JAM3: variants seen among roughly 807,000 people sequenced by gnomAD.
The protein encoded by JAM3 is junctional adhesion molecule 3.
A neutral mutation model predicts 39.4 loss-of-function variants in JAM3; 31 were observed. The observed-to-expected ratio is 0.79, with a 90% CI of 0.59 to 1.06. JAM3 has a LOEUF of 1.06. JAM3 is among the 50% of genes least tolerant of loss of function. JAM3 has a pLI of 0.00. For missense variants in JAM3, 455 were observed against 391.4 expected, an observed-to-expected ratio of 1.16 and a Z score of -1.37; for synonymous variants, 182 against 148.7, an observed-to-expected ratio of 1.22 and a Z score of -1.63.
chr11:134,094,379 C>A (rs1400802393), intron 1 of JAM3, among the ~76,000 whole-genome samples: 5 of 141,208 alleles, frequency 3.5e-5, no homozygotes, highest in South Asian at 2.2e-4. Context: ...GGAAGCTTCT[C>A]CTGAACCCTC....
At chr11:134,112,366 G>A (rs1239998282) in intron 1 of JAM3, among the ~76,000 whole-genome samples, 1 of 152,152 alleles carries the variant, frequency 6.6e-6, no homozygotes, top group Non-Finnish European at 1.5e-5. Context: ...GGGATTACAG[G>A]CGTGAGACAC....
intron 3 of JAM3, among the ~76,000 whole-genome samples, chr11:134,143,347 T>C (rs1943009222): frequency 6.6e-6 from 1 of 152,224 alleles, no homozygotes; most frequent in Non-Finnish European, 1.5e-5. Context: ...GTTGAGGGTC[T>C]TATTTGTGTA....
At chr11:134,129,396 G>C (rs549964861) in intron 1 of JAM3, among the ~76,000 whole-genome samples, 1 of 152,104 alleles carries the variant, frequency 6.6e-6, no homozygotes, top group Admixed American at 6.5e-5. Context: ...GATTACAGGC[G>C]TGAGCTACTG....
At chr11:134,089,176 C>T (rs1001084704) in intron 1 of JAM3, among the ~76,000 whole-genome samples, 1 of 152,134 alleles carries the variant, frequency 6.6e-6, no homozygotes. Flanking sequence ...GTCTCCCATT[C>T]TTTCTTTATA....
intron 1 of JAM3, among the ~76,000 whole-genome samples, chr11:134,114,476 C>T (rs915506562): frequency 7.2e-5 from 11 of 152,126 alleles, no homozygotes; most frequent in African/African-American, 2.7e-4. Flanking sequence ...TCAGGTTTGT[C>T]AAAGATCAGA....
intron 1 of JAM3, among the ~76,000 whole-genome samples, chr11:134,111,133 CTTTTTTTTTTTT>C (rs71038561): frequency 5.8e-5 from 5 of 86,772 alleles, no homozygotes; most frequent in Non-Finnish European, 6.3e-5. Flanking sequence ...ACACATCCAT[CTTTTTTTTTTTT>C]TTTTTTTTTT....
chr11:134,116,524 T>C (rs1417333889), intron 1 of JAM3, among the ~76,000 whole-genome samples: 2 of 152,230 alleles, frequency 1.3e-5, no homozygotes, highest in South Asian at 2.1e-4. Context: ...CACTGGAAGC[T>C]CTTTCAGGTG....
chr11:134,092,188 T>G (rs1338136700), intron 1 of JAM3, among the ~76,000 whole-genome samples: 1 of 152,164 alleles, frequency 6.6e-6, no homozygotes, highest in Admixed American at 6.5e-5. Flanking sequence ...CTTGGCTCAC[T>G]TTCATTTTCC....
At chr11:134,147,658 TTG>T (rs1183549623) in intron 6 of JAM3, 2 of 151,536 alleles carry the variant, frequency 1.3e-5, no homozygotes, top group African/African-American at 2.4e-5. Context: ...AGCCAATTTT[TTG>T]TGTTTCTAGT....
rs1186671671 is a variant in JAM3 at position 134,149,503 on chromosome 11, G to A, written c.*322G>A. The A allele has an allele frequency of 6.2e-5, 31 of 503,696 alleles. No individual in the cohort carries two copies. Among genetic ancestry groups the A allele is most frequent in the South Asian group, 3.7e-4 (21 of 57,320 alleles). The allele number at this position is 503,696 out of a possible 1,614,324, so 31.2% of individuals were successfully genotyped here. A position where few individuals can be genotyped will look rare whatever the true frequency, so the allele number is the denominator to read the frequency against. ...TCTTAAAGAGTTTGCTCACGTAAACGCCCGTGCTGGGCCCTGTGAAGCCAG... is the reference window on the plus strand; with the variant it reads ...TCTTAAAGAGTTTGCTCACGTAAACACCCGTGCTGGGCCCTGTGAAGCCAG... On this transcript the variant is annotated 3_prime_UTR_variant, in exon 9 of 9. Transcript: ENST00000299106.
rs147189204 is a variant in JAM3 at position 134,129,367 on chromosome 11, C to T, written c.77-10484C>T. Among the ~76,000 whole-genome samples, 917 of 152,230 alleles carry T rather than the reference C, an allele frequency of 6.0e-3. 4 individuals carry two copies. The highest frequency in any genetic ancestry group is 0.021 in the African/African-American group (876 of 41,536). ...TCCTGACCTTGTTATCTGCCCACCTCGGCCTCTGAAAGTGCTGGGATTACA... is the reference window on the plus strand; with the variant it reads ...TCCTGACCTTGTTATCTGCCCACCTTGGCCTCTGAAAGTGCTGGGATTACA... On this transcript the variant is annotated intron_variant, in intron 1 of 8. Coordinates refer to ENST00000299106, the MANE Select transcript of JAM3 (RefSeq NM_032801.5).
intron 1 of JAM3, among the ~76,000 whole-genome samples, chr11:134,104,822 G>T (rs532855881): frequency 1.3e-5 from 2 of 152,036 alleles, no homozygotes; most frequent in Non-Finnish European, 2.9e-5. Flanking sequence ...TTGAATCCCT[G>T]AATAGACCAA....
intron 5 of JAM3, 72 bp downstream of exon 5, chr11:134,145,066 G>A (rs1250839331): frequency 4.9e-6 from 6 of 1,227,786 alleles, no homozygotes; most frequent in African/African-American, 1.5e-5. Flanking sequence ...GTGAAAAGAA[G>A]ATTAGGAGAG....
At chr11:134,109,020 A>G (rs1031910205) in intron 1 of JAM3, among the ~76,000 whole-genome samples, 1 of 152,090 alleles carries the variant, frequency 6.6e-6, no homozygotes, top group African/African-American at 2.4e-5. Flanking sequence ...ACAGTGGCAC[A>G]ATCTCAGCTC....
chr11:134,149,014 G>C (rs1487635704), intron 8 of JAM3, 132 bp from the exon 9 acceptor site: 3 of 1,123,170 alleles, frequency 2.7e-6, no homozygotes, highest in African/African-American at 1.5e-5. Context: ...TTTGTGCTTT[G>C]CAAGCGCTAG....
chr11:134,131,584 G>T (rs1024485052), intron 1 of JAM3, among the ~76,000 whole-genome samples: 1 of 152,022 alleles, frequency 6.6e-6, no homozygotes, highest in African/African-American at 2.4e-5. Context: ...GGAACTAAAG[G>T]GATTGACAGA....
chr11:134,106,564 A>C (rs1326483309), intron 1 of JAM3, among the ~76,000 whole-genome samples: 2 of 152,224 alleles, frequency 1.3e-5, no homozygotes, highest in Non-Finnish European at 2.9e-5. Flanking sequence ...CAACCTACAG[A>C]ATGGGAGAAA....
chr11:134,136,024 C>T (rs1221296379), intron 1 of JAM3, among the ~76,000 whole-genome samples: 4 of 152,030 alleles, frequency 2.6e-5, no homozygotes, highest in African/African-American at 9.7e-5. Flanking sequence ...GAGCTGAGAT[C>T]ACACCATTGC....
intron 3 of JAM3, among the ~76,000 whole-genome samples, chr11:134,143,687 G>A (rs1018469717): frequency 2.0e-4 from 31 of 152,304 alleles, no homozygotes; most frequent in African/African-American, 7.5e-4. Context: ...ATGAAGTCCG[G>A]TGTAACTGTT....
Sources: gnomAD v4.1 joint callset for allele counts (sites outside exome capture counted in the v4.1 genomes callset) on GRCh38, gnomAD v4.1.1 for gene constraint, MANE v1.5 for transcripts, NCBI Gene and HGNC (gene_info 2026-07-23, HGNC 2026-07-21) for gene names.